Variants in POLH observed in about 807,000 individuals in gnomAD.
POLH encodes DNA polymerase eta transcript.
Under a neutral mutation model 73.6 loss-of-function variants are expected in POLH, and 53 were observed. That is an observed-to-expected ratio of 0.72 (90% CI 0.58 to 0.91). The LOEUF (loss-of-function observed/expected upper bound fraction) is 0.91. Ranked by LOEUF, POLH falls within the 40% of genes least tolerant of loss-of-function variation. The pLI is 0.00. For missense variants in POLH, 768 were observed against 865.4 expected, an observed-to-expected ratio of 0.89 and a Z score of 1.41; for synonymous variants, 292 against 308.5, an observed-to-expected ratio of 0.95 and a Z score of 0.56.
At chr6:43,582,889 A>G in intron 2 of POLH, 118 bp from the exon 3 acceptor site, 4 of 837,776 alleles carry the variant, frequency 4.8e-6, no homozygotes, top group Non-Finnish European at 5.8e-6. Flanking sequence ...GGATTGAATG[A>G]TGGCATCTGT....
At chr6:43,587,824 C>T (rs1201978504) in intron 4 of POLH, among the ~76,000 whole-genome samples, 1 of 152,266 alleles carries the variant, frequency 6.6e-6, no homozygotes. Flanking sequence ...GTCAGGAGTT[C>T]AAGACCAACC....
chr6:43,580,094 A>G (rs1233907301), intron 1 of POLH, among the ~76,000 whole-genome samples: 1 of 149,726 alleles, frequency 6.7e-6, no homozygotes, highest in African/African-American at 2.5e-5. Context: ...ACTTGAGATC[A>G]GGGATTGGTG....
chr6:43,620,289 G>A lies in POLH; in HGVS notation c.*5732G>A, dbSNP rs765965534. On this transcript the variant is annotated 3_prime_UTR_variant, in exon 11 of 11. Transcript: ENST00000372236. ...TCAGTATTCTGCTCACTTGAACTACGGAAAATAGGCCACAATACTTGGTTA... is the reference window on the plus strand; with the variant it reads ...TCAGTATTCTGCTCACTTGAACTACAGAAAATAGGCCACAATACTTGGTTA... 13 of 517,134 alleles carry A rather than the reference G, an allele frequency of 2.5e-5. 1 individual carries two copies. The highest frequency in any genetic ancestry group is 2.0e-4 in the Admixed American group (10 of 50,992). 32.0% of individuals were successfully genotyped at this position (517,134 alleles called of 1,614,324 possible). A position where few individuals can be genotyped will look rare whatever the true frequency, so the allele number is the denominator to read the frequency against.
At chr6:43,594,699 T>C (rs1158235685) in intron 4 of POLH, among the ~76,000 whole-genome samples, 1 of 152,016 alleles carries the variant, frequency 6.6e-6, no homozygotes, top group East Asian at 1.9e-4. Flanking sequence ...TCAAAAAAAA[T>C]AAAAAATAAT....
intron 4 of POLH, 65 bp downstream of exon 4, chr6:43,587,554 T>G: frequency 9.3e-7 from 1 of 1,074,532 alleles, no homozygotes; most frequent in Non-Finnish European, 1.4e-6. Context: ...TTGGTCATGC[T>G]GATTCTCCTT....
In POLH at chr6:43,610,731, C is replaced by G; in HGVS notation, c.1244+8C>G. 2 of 1,603,984 alleles carry G rather than the reference C, an allele frequency of 1.2e-6. No individual in the cohort carries two copies. Among genetic ancestry groups the G allele is most frequent in the Non-Finnish European group, 1.7e-6 (2 of 1,172,694 alleles). Reference sequence around the variant, plus strand: ...TGGAATCCAGACAGAATGGTGAGTTCTTTTCTAGCTCATCTTCTCAGAATA... The same window carrying G: ...TGGAATCCAGACAGAATGGTGAGTTGTTTTCTAGCTCATCTTCTCAGAATA... On this transcript the variant is annotated splice_region_variant and intron_variant, in intron 10 of 10. Transcript: ENST00000372236.
At chr6:43,578,497 C>G (rs769737078) in intron 1 of POLH, 2 of 364,640 alleles carry the variant, frequency 5.5e-6, no homozygotes, top group South Asian at 4.2e-5. Flanking sequence ...AGCAGCCTGG[C>G]GGGGGGACAA....
intron 7 of POLH, 98 bp from the exon 8 acceptor site, chr6:43,604,517 G>T: frequency 2.2e-6 from 3 of 1,359,596 alleles, no homozygotes; most frequent in African/African-American, 1.4e-5. Context: ...CCTTTTTCAT[G>T]AAAAAGATAA....
At chr6:43,587,235 G>C (rs1437707555) in intron 3 of POLH, 37 bp from the exon 4 acceptor site, 2 of 1,518,780 alleles carry the variant, frequency 1.3e-6, no homozygotes, top group Admixed American at 3.3e-5. Context: ...GGTTGCCTCT[G>C]TTTATTGCCT....
At chr6:43,610,094 C>T (rs1262945763) in intron 9 of POLH, among the ~76,000 whole-genome samples, 4 of 122,044 alleles carry the variant, frequency 3.3e-5, no homozygotes, top group Non-Finnish European at 6.4e-5. Context: ...CAGAGTCTTG[C>T]TCTGTCATCC....
intron 5 of POLH, among the ~76,000 whole-genome samples, chr6:43,599,035 C>T (rs1232325609): frequency 7.3e-6 from 1 of 137,750 alleles, no homozygotes; most frequent in Non-Finnish European, 1.5e-5. Flanking sequence ...GTTGCCCAGG[C>T]TGGAGTTCAG....
intron 2 of POLH, among the ~76,000 whole-genome samples, chr6:43,582,727 T>A (rs921022686): frequency 6.6e-6 from 1 of 151,814 alleles, no homozygotes; most frequent in Non-Finnish European, 1.5e-5. Context: ...TGGGGATTGG[T>A]TGGGGGGGCA....
intron 1 of POLH, among the ~76,000 whole-genome samples, chr6:43,580,990 C>G (rs1764101432): frequency 7.2e-6 from 1 of 139,144 alleles, no homozygotes; most frequent in African/African-American, 2.9e-5. Context: ...GGGCGGGGGG[C>G]TGACCCCCCC....
intron 6 of POLH, 103 bp from the exon 7 acceptor site, chr6:43,603,789 T>C: frequency 8.6e-7 from 1 of 1,158,158 alleles, no homozygotes; most frequent in African/African-American, 1.5e-5. Context: ...TCATTTGTCC[T>C]GAACCTTTTG....
At chr6:43,582,935 G>A (rs765674547) in intron 2 of POLH, 72 bp from the exon 3 acceptor site, 67 of 1,269,196 alleles carry the variant, frequency 5.3e-5, no homozygotes, top group Non-Finnish European at 7.0e-5. Flanking sequence ...TAGATTACTT[G>A]TGTTAAATGT....
chr6:43,576,347 A>C lies in POLH; in HGVS notation c.-98A>C, dbSNP rs189835199. 4.9e-3 allele frequency: 748 copies of C among 152,786 alleles called. 5 individuals carry two copies. Among genetic ancestry groups the C allele is most frequent in the African/African-American group, 0.016 (682 of 41,584 alleles). The allele number at this position is 152,786 out of a possible 1,614,324, so 9.5% of individuals were successfully genotyped here. On this transcript the variant is annotated 5_prime_UTR_variant, in exon 1 of 11. Transcript: ENST00000372236. The stretch of plus-strand genomic sequence containing the variant: ...ACCGCTCCTAGAAAGGCGAAAAGAT[A>C]TTCAGGAGCCCTTCCATTTTCCTTC...
rs998432756 is a variant in POLH, at chr6:43,616,596, A to C, written c.*2039A>C. ...AGTGAGAGACTGTCTCAAAAAAAAA[A>C]AAAACAAAAGAAAAACTTCTCTCTA... On this transcript the variant is annotated 3_prime_UTR_variant, in exon 11 of 11. Transcript: ENST00000372236. Among the ~76,000 whole-genome samples the C allele has an allele frequency of 1.4e-4, 21 of 151,864 alleles. No individual in the cohort carries two copies. Among genetic ancestry groups the C allele is most frequent in the Non-Finnish European group, 2.5e-4 (17 of 67,988 alleles).
rs1295537465 is a variant in POLH, at chr6:43,588,842, C to CT, written c.490+1366dup. The CT allele has an allele frequency of 4.0e-3, 586 of 144,932 alleles. 2 individuals are homozygous for CT. The highest frequency in any genetic ancestry group is 7.5e-3 in the African/African-American group (298 of 39,792). 9.0% of individuals were successfully genotyped at this position (144,932 alleles called of 1,614,324 possible). A position where few individuals can be genotyped will look rare whatever the true frequency, so the allele number is the denominator to read the frequency against. On this transcript the variant is annotated intron_variant, in intron 4 of 10. Coordinates refer to ENST00000372236, the MANE Select transcript of POLH (RefSeq NM_006502.3). ...TGCTATTATAGATCTCATTCTTTTTCTTTTTTTTTTTTTGAGACGGAGTCT... is the reference window on the plus strand; with the variant it reads ...TGCTATTATAGATCTCATTCTTTTTCTTTTTTTTTTTTTTGAGACGGAGTCT...
At chr6:43,582,773 C>A (rs777087534) in intron 2 of POLH, among the ~76,000 whole-genome samples, 6 of 152,168 alleles carry the variant, frequency 3.9e-5, no homozygotes, top group Non-Finnish European at 7.3e-5. Context: ...TCTTGAACTC[C>A]CGGCCTCAAG....
Sources: allele counts gnomAD v4.1 joint callset (sites outside exome capture counted in the v4.1 genomes callset), GRCh38; gene constraint gnomAD v4.1.1; transcripts MANE v1.5; gene names NCBI Gene and HGNC (gene_info 2026-07-23, HGNC 2026-07-21).